Variants in SARNP observed in about 807,000 individuals in gnomAD.
The protein encoded by SARNP is SAP domain containing ribonucleoprotein, also known as SAP domain-containing ribonucleoprotein.
A neutral mutation model predicts 38.1 loss-of-function variants in SARNP; 5 were observed. That is an observed-to-expected ratio of 0.13 (90% CI 0.07 to 0.28). The LOEUF is 0.28. SARNP is among the 10% of genes least tolerant of loss of function. The pLI is 1.00. For synonymous variants in SARNP, 84 were observed against 80.6 expected (o/e 1.04, Z -0.23); for missense variants, 180 against 243.9 (o/e 0.74, Z 1.75).
chr12:55,786,706 C>T (rs994827813), intron 9 of SARNP, among the ~76,000 whole-genome samples: 4 of 152,148 alleles, frequency 2.6e-5, no homozygotes, highest in Non-Finnish European at 5.9e-5. Context: ...GCCTCAGCCT[C>T]CCAAAGTGCT....
At chr12:55,792,919 A>G (rs1879715593) in intron 7 of SARNP, 1 of 152,186 alleles carries the variant, frequency 6.6e-6, no homozygotes, top group Admixed American at 6.5e-5. Context: ...TCCTGGGTTC[A>G]ACTGATCCTC....
intron 9 of SARNP, among the ~76,000 whole-genome samples, chr12:55,766,875 GCCGCCTAGTCT>G (rs2136180467): frequency 6.8e-6 from 1 of 147,062 alleles, no homozygotes; most frequent in South Asian, 2.2e-4. Context: ...ACCCGCCTCT[GCCGCCTAGTCT>G]CTGCCTCCTA....
chr12:55,767,687 T>C (rs1878879555), intron 9 of SARNP, among the ~76,000 whole-genome samples: 2 of 149,806 alleles, frequency 1.3e-5, no homozygotes, highest in African/African-American at 2.5e-5. Context: ...CTCTACTAAA[T>C]ATACAAAAAA....
rs113132083 is a variant in SARNP, at chr12:55,757,416, C to T, written c.*96G>A. The T allele has an allele frequency of 4.0e-6, 4 of 1,011,990 alleles. No individual in the cohort carries two copies. The highest frequency in any genetic ancestry group is 5.8e-6 in the Non-Finnish European group (4 of 694,972). 62.7% of individuals were successfully genotyped at this position (1,011,990 alleles called of 1,614,324 possible). A position where few individuals can be genotyped will look rare whatever the true frequency, so the allele number is the denominator to read the frequency against. On this transcript the variant is annotated 3_prime_UTR_variant, in exon 11 of 11. Coordinates refer to ENST00000336133, the MANE Select transcript of SARNP (RefSeq NM_033082.4). ...CATGCTCCCTCATTGCGAGGCAGGA[C>T]GTAGGCACATGACTGTGCATTTAGG...
chr12:55,806,980 C>A (rs1880164622), intron 1 of SARNP, among the ~76,000 whole-genome samples: 1 of 152,086 alleles, frequency 6.6e-6, no homozygotes, highest in Admixed American at 6.5e-5. Flanking sequence ...TTTTTAGAGA[C>A]AGTGGTCTCG....
chr12:55,785,215 T>C (rs931212606), intron 9 of SARNP, among the ~76,000 whole-genome samples: 1 of 152,202 alleles, frequency 6.6e-6, no homozygotes, highest in Non-Finnish European at 1.5e-5. Context: ...CTATACGTAT[T>C]GACAATCAAT....
chr12:55,784,096 A>G (rs778490968), intron 9 of SARNP, among the ~76,000 whole-genome samples: 1 of 152,164 alleles, frequency 6.6e-6, no homozygotes, highest in African/African-American at 2.4e-5. Context: ...GACAACAGAG[A>G]TGACAAAAAG....
chr12:55,768,291 A>G (rs2136181565), intron 9 of SARNP, among the ~76,000 whole-genome samples: 1 of 146,546 alleles, frequency 6.8e-6, no homozygotes, highest in East Asian at 2.1e-4. Context: ...ACGCCCAGCT[A>G]ATTTTTTTTT....
intron 9 of SARNP, among the ~76,000 whole-genome samples, chr12:55,778,439 G>C (rs1369072606): frequency 1.3e-5 from 2 of 152,124 alleles, no homozygotes; most frequent in African/African-American, 4.8e-5. Flanking sequence ...GAGCCACTGT[G>C]CTGACCTGTT....
At chr12:55,792,200 CACTT>C (rs1333668112) in intron 7 of SARNP, among the ~76,000 whole-genome samples, 2 of 151,910 alleles carry the variant, frequency 1.3e-5, no homozygotes, top group African/African-American at 4.8e-5. Flanking sequence ...TTTTCTAAAA[CACTT>C]AGTGATAGCG....
In SARNP at chr12:55,772,619, C is replaced by G. The variant is rs572845295; in HGVS notation, c.502-11979G>C. ...AAGTTTCTATTAAAAGTCCCCATCT[C>G]CCTCCTTTAAAAGCCAAGGAGCTGC... On this transcript the variant is annotated intron_variant, in intron 9 of 10. Transcript: ENST00000336133. Among the ~76,000 whole-genome samples the G allele has an allele frequency of 2.6e-5, 4 of 152,240 alleles. No homozygotes were observed. In the South Asian group the frequency reaches 8.3e-4, roughly 32 times the overall value.
intron 1 of SARNP, among the ~76,000 whole-genome samples, chr12:55,805,594 C>T (rs562096449): frequency 3.9e-5 from 6 of 152,324 alleles, no homozygotes; most frequent in African/African-American, 1.4e-4. Context: ...CGCCTGTAAT[C>T]CCAGCACTTT....
At chr12:55,785,585 GAAC>G (rs1879467687) in intron 9 of SARNP, among the ~76,000 whole-genome samples, 2 of 151,590 alleles carry the variant, frequency 1.3e-5, no homozygotes, top group Non-Finnish European at 2.9e-5. Flanking sequence ...GGCCAAAGTT[GAAC>G]AACATGAAGA....
chr12:55,795,552 G>A (rs1402240759), intron 5 of SARNP, among the ~76,000 whole-genome samples: 1 of 152,196 alleles, frequency 6.6e-6, no homozygotes, highest in African/African-American at 2.4e-5. Context: ...AGTTAGAAAT[G>A]AGGCAGCATT....
At chr12:55,816,097 C>A (rs1458684068) in intron 1 of SARNP, among the ~76,000 whole-genome samples, 1 of 152,158 alleles carries the variant, frequency 6.6e-6, no homozygotes, top group Non-Finnish European at 1.5e-5. Flanking sequence ...TTTATATAGA[C>A]CTGACAAATA....
At chr12:55,774,687 G>A (rs916724828) in intron 9 of SARNP, among the ~76,000 whole-genome samples, 1 of 151,694 alleles carries the variant, frequency 6.6e-6, no homozygotes, top group Non-Finnish European at 1.5e-5. Flanking sequence ...AGTGGAGGTT[G>A]CAGTGGGAGG....
chr12:55,780,553 C>T (rs1420674577), intron 9 of SARNP, among the ~76,000 whole-genome samples: 2 of 152,006 alleles, frequency 1.3e-5, no homozygotes, highest in Admixed American at 6.6e-5. Context: ...GCCTGTAATC[C>T]CAGCTACTTG....
intron 1 of SARNP, among the ~76,000 whole-genome samples, chr12:55,811,796 A>G (rs1000048594): frequency 6.6e-6 from 1 of 152,172 alleles, no homozygotes; most frequent in African/African-American, 2.4e-5. Flanking sequence ...GTCATTCCAC[A>G]TATATCAAAG....
Position 55,803,969 on chromosome 12 carries a change from TCATCTATTTGTATAC to T in SARNP, c.37-256_37-242del, listed in dbSNP as rs552815352. The stretch of plus-strand genomic sequence containing the variant: ...AAACATCACACTTTAATAAAAAACC[TCATCTATTTGTATAC>T]CTACTAACTGTCACAAATCTCTAGT... On this transcript the variant is annotated intron_variant, in intron 1 of 10. Coordinates refer to ENST00000336133, the MANE Select transcript of SARNP (RefSeq NM_033082.4). Among the ~76,000 whole-genome samples, 12 of 152,278 alleles carry T rather than the reference TCATCTATTTGTATAC, an allele frequency of 7.9e-5. No individual in the cohort carries two copies. The East Asian group carries it at 2.3e-3, about 29-fold the overall frequency.
Sources: allele counts gnomAD v4.1 joint callset (sites outside exome capture counted in the v4.1 genomes callset), GRCh38; gene constraint gnomAD v4.1.1; transcripts MANE v1.5; gene names NCBI Gene and HGNC (gene_info 2026-07-23, HGNC 2026-07-21).